GOLT1B: variants seen among roughly 807,000 people sequenced by gnomAD.
The protein encoded by GOLT1B is golgi transport 1B.
GOLT1B carries 3 observed loss-of-function variants against 15.4 expected under a neutral mutation model. The ratio of observed to expected loss-of-function variants is 0.19; its 90% confidence interval spans 0.09 to 0.50. The LOEUF (loss-of-function observed/expected upper bound fraction) is 0.50, where lower values mean the gene tolerates loss of function less well. Ranked by LOEUF, GOLT1B falls within the 20% of genes least tolerant of loss-of-function variation. GOLT1B has a pLI of 0.97. For missense variants in GOLT1B, 145 were observed against 160.4 expected (o/e 0.90, Z 0.52); for synonymous variants, 65 against 56.2 (o/e 1.16, Z -0.70).
chr12:21,501,941 C>T lies in GOLT1B; in HGVS notation c.18C>T (p.Asp6=). Residue 6 remains aspartate, a synonymous_variant, in exon 1 of 5, where the codon GAC becomes GAT. Coordinates refer to ENST00000229314, the MANE Select transcript of GOLT1B (RefSeq NM_016072.5). MISLT[D]TQKIGMGLTG... ...CTGCAGCCATGATCTCCTTAACGGA[C>T]ACGCAGAGTAAGCACCTGCTCCGGG... The T allele has an allele frequency of 6.2e-7, 1 of 1,609,100 alleles. No homozygotes were observed. The highest frequency in any genetic ancestry group is 8.5e-7 in the Non-Finnish European group (1 of 1,175,588).
At chr12:21,509,644 C>A (rs376645671) in intron 3 of GOLT1B, among the ~76,000 whole-genome samples, 1 of 151,934 alleles carries the variant, frequency 6.6e-6, no homozygotes, top group African/African-American at 2.4e-5. Flanking sequence ...AATGTGTATG[C>A]AGAATATTGT....
intron 1 of GOLT1B, among the ~76,000 whole-genome samples, chr12:21,506,212 A>G (rs185627981): frequency 6.6e-6 from 1 of 152,246 alleles, no homozygotes. Context: ...AGGACTCTAG[A>G]CCAAATATTT....
rs1005337466 is a variant in GOLT1B at position 21,508,178 on chromosome 12, T to G, written c.118-205T>G. On this transcript the variant is annotated intron_variant, in intron 2 of 4. Transcript: ENST00000229314. ...CAAGATAGAAGAGGAATGAGACAAGTGGAACAAAGCTACAACTTTAAAATG... is the reference window on the plus strand; with the variant it reads ...CAAGATAGAAGAGGAATGAGACAAGGGGAACAAAGCTACAACTTTAAAATG... The G allele has an allele frequency of 7.3e-6, 4 of 545,754 alleles. No individual in the cohort carries two copies. In the Admixed American group the frequency reaches 1.4e-4, roughly 19 times the overall value. 33.8% of individuals were successfully genotyped at this position (545,754 alleles called of 1,614,324 possible).
chr12:21,502,100 G>A (rs1357334285), intron 1 of GOLT1B, 152 bp downstream of exon 1: 2 of 675,670 alleles, frequency 3.0e-6, no homozygotes, highest in African/African-American at 1.8e-5. Context: ...CTAAGGGGCT[G>A]CCTTCGGGAT....
chr12:21,517,748 A>G lies in GOLT1B; in HGVS notation c.*2041A>G, dbSNP rs1943766918. ...CTGGAGCAGTTTTCAGTTTTAAATGAGTCTGCAGTTAATATCAAATGTGAG... is the reference window on the plus strand; with the variant it reads ...CTGGAGCAGTTTTCAGTTTTAAATGGGTCTGCAGTTAATATCAAATGTGAG... On this transcript the variant is annotated 3_prime_UTR_variant, in exon 5 of 5. Transcript: ENST00000229314. The G allele has an allele frequency of 6.6e-6, 1 of 152,416 alleles. No individual in the cohort carries two copies. The highest frequency in any genetic ancestry group is 2.1e-4 in the South Asian group (1 of 4,832). The allele number at this position is 152,416 out of a possible 1,614,324, so 9.4% of individuals were successfully genotyped here.
At chr12:21,508,699 T>G (rs1194465088) in intron 3 of GOLT1B, 138 bp downstream of exon 3, 1 of 594,526 alleles carries the variant, frequency 1.7e-6, no homozygotes, top group Non-Finnish European at 2.9e-6. Flanking sequence ...TCTTATAGAT[T>G]TAGATGAAGC....
chr12:21,501,959 G>A lies in GOLT1B; in HGVS notation c.25+11G>A, dbSNP rs549500389. The stretch of plus-strand genomic sequence containing the variant: ...TAACGGACACGCAGAGTAAGCACCT[G>A]CTCCGGGGCCCCCGCCTCGAGCCGC... On this transcript the variant is annotated intron_variant, in intron 1 of 4. Transcript: ENST00000229314. 12 of 1,602,798 alleles carry A rather than the reference G, an allele frequency of 7.5e-6. No individual in the cohort carries two copies. The South Asian group carries it at 9.9e-5, about 13-fold the overall frequency.
intron 3 of GOLT1B, among the ~76,000 whole-genome samples, chr12:21,510,223 G>C (rs1943709644): frequency 6.6e-6 from 1 of 152,180 alleles, no homozygotes; most frequent in Non-Finnish European, 1.5e-5. Context: ...GAAAACACTA[G>C]AAGAGACTAG....
rs1943627840 is a variant in GOLT1B, at chr12:21,501,850, T to C, written c.-74T>C. The C allele has an allele frequency of 2.8e-6, 3 of 1,069,052 alleles. No homozygotes were observed. The highest frequency in any genetic ancestry group is 4.3e-6 in the Non-Finnish European group (3 of 690,756). 66.2% of individuals were successfully genotyped at this position (1,069,052 alleles called of 1,614,324 possible). On this transcript the variant is annotated 5_prime_UTR_variant, in exon 1 of 5. Transcript: ENST00000229314. Reference sequence around the variant, plus strand: ...GCTCTCGCCTGGGCTGTTTCCCGGCTTCATTTCTCCCGACTCAGCTTCCCA... The same window carrying C: ...GCTCTCGCCTGGGCTGTTTCCCGGCCTCATTTCTCCCGACTCAGCTTCCCA...
rs1200288702 is a variant in GOLT1B, at chr12:21,516,444, CAT to C, written c.*738_*739del. 6.6e-6 allele frequency: 1 copy of C among 152,072 alleles called. No individual in the cohort carries two copies. Among genetic ancestry groups the C allele is most frequent in the Non-Finnish European group, 1.5e-5 (1 of 67,950 alleles). 9.4% of individuals were successfully genotyped at this position (152,072 alleles called of 1,614,324 possible). On this transcript the variant is annotated 3_prime_UTR_variant, in exon 5 of 5. Transcript: ENST00000229314. ...TGCCCTCCTAAGTATCTGTCTATAT[CAT>C]TCATTACGTGTAAGTATTTAACAAA...
At chr12:21,504,031 G>A (rs1384110279) in intron 1 of GOLT1B, among the ~76,000 whole-genome samples, 2 of 152,160 alleles carry the variant, frequency 1.3e-5, no homozygotes, top group Non-Finnish European at 2.9e-5. Context: ...TTTTCAAAGG[G>A]TATGGTAAGA....
intron 1 of GOLT1B, among the ~76,000 whole-genome samples, chr12:21,502,690 A>T (rs997648975): frequency 6.6e-6 from 1 of 152,044 alleles, no homozygotes; most frequent in African/African-American, 2.4e-5. Flanking sequence ...GCTAGCATTG[A>T]TATCGGTTTC....
At chr12:21,507,059 G>T in intron 2 of GOLT1B, 83 bp downstream of exon 2, 2 of 682,572 alleles carry the variant, frequency 2.9e-6, no homozygotes, top group East Asian at 2.8e-5. Context: ...TTAAATTTGG[G>T]GAAAATAATT....
rs61926330 is a variant in GOLT1B at position 21,508,307 on chromosome 12, A to G, written c.118-76A>G. ...CAAATGTGCTTCTTTTTTTATATTTAGCTTTGACTTTACGTTTAAAATTTA... is the reference window on the plus strand; with the variant it reads ...CAAATGTGCTTCTTTTTTTATATTTGGCTTTGACTTTACGTTTAAAATTTA... On this transcript the variant is annotated intron_variant, in intron 2 of 4. Transcript: ENST00000229314. 0.14 allele frequency: 121,082 copies of G among 853,480 alleles called. 9,982 individuals carry two copies. The highest frequency in any genetic ancestry group is 0.27 in the African/African-American group (15,769 of 58,008). 52.9% of individuals were successfully genotyped at this position (853,480 alleles called of 1,614,324 possible). A position where few individuals can be genotyped will look rare whatever the true frequency, so the allele number is the denominator to read the frequency against.
chr12:21,507,433 G>T, intron 2 of GOLT1B: 1 of 209,890 alleles, frequency 4.8e-6, no homozygotes, highest in Non-Finnish European at 9.7e-6. Context: ...TGTTTATTTG[G>T]AATGTGTACT....
chr12:21,504,177 T>C (rs1031915116), intron 1 of GOLT1B, among the ~76,000 whole-genome samples: 19 of 152,230 alleles, frequency 1.2e-4, no homozygotes, highest in Admixed American at 1.0e-3. Context: ...TTTTATTAAA[T>C]TGTTTTTATA....
At chr12:21,514,992 TAAA>T (rs35343568) in intron 4 of GOLT1B, among the ~76,000 whole-genome samples, 10 of 142,862 alleles carry the variant, frequency 7.0e-5, no homozygotes, top group Admixed American at 7.0e-5. Flanking sequence ...TCTGGAATGT[TAAA>T]AAAAAAAAAA....
rs923132047 is a variant in GOLT1B at position 21,515,789 on chromosome 12, T to C, written c.*82T>C. 1.4e-6 allele frequency: 1 copy of C among 716,718 alleles called. No homozygotes were observed. Among genetic ancestry groups the C allele is most frequent in the Non-Finnish European group, 2.4e-6 (1 of 408,830 alleles). The allele number at this position is 716,718 out of a possible 1,614,324, so 44.4% of individuals were successfully genotyped here. A position where few individuals can be genotyped will look rare whatever the true frequency, so the allele number is the denominator to read the frequency against. ...AAGAATATTCAGCACAAAATTAAAT[T>C]ACATGAAATAGCTTGTAATGTTCTT... On this transcript the variant is annotated 3_prime_UTR_variant, in exon 5 of 5. Transcript: ENST00000229314.
In GOLT1B at chr12:21,518,109, A is replaced by T. The variant is rs1369397011; in HGVS notation, c.*2402A>T. On this transcript the variant is annotated 3_prime_UTR_variant, in exon 5 of 5. Transcript: ENST00000229314. ...AGATTATATTATCTAACAATTGAAT[A>T]TTGTAAATATACTTGTCTTACCTCT... The T allele has an allele frequency of 1.3e-5, 2 of 152,482 alleles. No individual in the cohort carries two copies. Among genetic ancestry groups the T allele is most frequent in the African/African-American group, 4.8e-5 (2 of 41,458 alleles). The allele number at this position is 152,482 out of a possible 1,614,324, so 9.4% of individuals were successfully genotyped here.
Sources: allele counts gnomAD v4.1 joint callset (sites outside exome capture counted in the v4.1 genomes callset), GRCh38; gene constraint gnomAD v4.1.1; transcripts MANE v1.5; gene names NCBI Gene and HGNC (gene_info 2026-07-23, HGNC 2026-07-21).